Variants in AFG2A observed in about 807,000 individuals in gnomAD.
The protein encoded by AFG2A is ATPase family gene 2 protein homolog A.
chr4:122,942,853 TCAAAGAA>T, the AFG2A span, among the ~76,000 whole-genome samples: 1 of 151,480 alleles, frequency 6.6e-6, no homozygotes, highest in Non-Finnish European at 1.5e-5. Flanking sequence ...CTCGTTGGTT[TCAAAGAA>T]CATCTTTATT....
the AFG2A span, among the ~76,000 whole-genome samples, chr4:123,136,702 C>T: frequency 6.0e-5 from 9 of 149,320 alleles, no homozygotes; most frequent in Admixed American, 2.0e-4. Flanking sequence ...ATTAGCTGGG[C>T]GTGGTGGCAC....
At chr4:123,185,814 A>G in the AFG2A span, among the ~76,000 whole-genome samples, 2 of 152,124 alleles carry the variant, frequency 1.3e-5, no homozygotes, top group Non-Finnish European at 2.9e-5. Context: ...AAAGTTACTT[A>G]GAAAATATGC....
chr4:122,923,419 G>C, the AFG2A span: 4 of 1,400,346 alleles, frequency 2.9e-6, no homozygotes, highest in Non-Finnish European at 3.9e-6. Context: ...CGTGGCATGG[G>C]TCTGAGAGCG....
At chr4:123,296,840 T>A in the AFG2A span, among the ~76,000 whole-genome samples, 1 of 152,226 alleles carries the variant, frequency 6.6e-6, no homozygotes, top group African/African-American at 2.4e-5. Flanking sequence ...TCCTATTTTC[T>A]AAGGAGAAAG....
At chr4:123,190,310 T>G in the AFG2A span, among the ~76,000 whole-genome samples, 1 of 152,226 alleles carries the variant, frequency 6.6e-6, no homozygotes, top group East Asian at 1.9e-4. Flanking sequence ...GGCCTCATAC[T>G]AGCGTTTGAA....
chr4:123,027,121 G>GTT, the AFG2A span, among the ~76,000 whole-genome samples: 1 of 150,202 alleles, frequency 6.7e-6, no homozygotes. Flanking sequence ...CTCAAGGTGT[G>GTT]TTTTTTTTTC....
At chr4:123,279,797 CAGT>C in the AFG2A span, among the ~76,000 whole-genome samples, 1 of 152,142 alleles carries the variant, frequency 6.6e-6, no homozygotes, top group African/African-American at 2.4e-5. Flanking sequence ...CTGCTGTTAT[CAGT>C]AGATCATCAA....
chr4:123,016,529 C>T, the AFG2A span, among the ~76,000 whole-genome samples: 6 of 151,332 alleles, frequency 4.0e-5, no homozygotes, highest in Non-Finnish European at 8.8e-5. Flanking sequence ...CGATGGGCGG[C>T]TGGGCAGAGA....
At chr4:122,934,105 A>G in the AFG2A span, 1 of 1,590,658 alleles carries the variant, frequency 6.3e-7, no homozygotes, top group Non-Finnish European at 8.6e-7. Context: ...AGATGGCAAG[A>G]TTGTTTTACC....
At chr4:123,131,380 ATCTT>A in the AFG2A span, among the ~76,000 whole-genome samples, 4 of 152,074 alleles carry the variant, frequency 2.6e-5, no homozygotes, top group Non-Finnish European at 4.4e-5. Context: ...TTTCTTTTCT[ATCTT>A]AGCAGTTTCT....
chr4:123,225,858 C>G, the AFG2A span, among the ~76,000 whole-genome samples: 1 of 152,148 alleles, frequency 6.6e-6, no homozygotes, highest in Non-Finnish European at 1.5e-5. Flanking sequence ...GAATGTTCTT[C>G]CATTTGTTCG....
the AFG2A span, among the ~76,000 whole-genome samples, chr4:123,191,202 T>G: frequency 6.6e-6 from 1 of 152,188 alleles, no homozygotes; most frequent in Non-Finnish European, 1.5e-5. Flanking sequence ...TGATACCATG[T>G]AGAAGAAATA....
chr4:123,057,176 C>G, the AFG2A span: 4 of 1,609,710 alleles, frequency 2.5e-6, no homozygotes, highest in South Asian at 1.1e-5. Flanking sequence ...AGTGTTTGCT[C>G]ATCTTTAGCT....
At chr4:122,974,629 A>G in the AFG2A span, among the ~76,000 whole-genome samples, 1 of 152,050 alleles carries the variant, frequency 6.6e-6, no homozygotes, top group Non-Finnish European at 1.5e-5. Context: ...CTTTTGTACC[A>G]TTGTAAAGTG....
chr4:123,007,359 C>A, the AFG2A span, among the ~76,000 whole-genome samples: 2 of 151,492 alleles, frequency 1.3e-5, no homozygotes, highest in Admixed American at 1.3e-4. Context: ...TTGCTCCATT[C>A]TTTTTAGGTG....
chr4:123,218,517 C>G, the AFG2A span, among the ~76,000 whole-genome samples: 1 of 152,096 alleles, frequency 6.6e-6, no homozygotes, highest in African/African-American at 2.4e-5. Context: ...GATGGTGTTG[C>G]TTATGTTTGA....
the AFG2A span, among the ~76,000 whole-genome samples, chr4:123,278,083 G>C: frequency 6.6e-6 from 1 of 151,918 alleles, no homozygotes; most frequent in Non-Finnish European, 1.5e-5. Flanking sequence ...GTAGAATTCT[G>C]TCTGGTCCTG....
the AFG2A span, chr4:122,935,566 C>G: frequency 2.5e-6 from 2 of 795,628 alleles, no homozygotes; most frequent in Non-Finnish European, 3.7e-6. Flanking sequence ...CTAGTTAGTA[C>G]ATCTTTCTGG....
At chr4:123,156,182 G>A in the AFG2A span, among the ~76,000 whole-genome samples, 18 of 152,134 alleles carry the variant, frequency 1.2e-4, no homozygotes, top group Admixed American at 1.2e-3. Flanking sequence ...GCTGTGTTTA[G>A]TTTGCAAGTT....
Sources: gnomAD v4.1 joint callset for allele counts (sites outside exome capture counted in the v4.1 genomes callset) on GRCh38, gnomAD v4.1.1 for gene constraint, MANE v1.5 for transcripts, NCBI Gene and HGNC (gene_info 2026-07-23, HGNC 2026-07-21) for gene names.